CSNK1A1: variants seen among roughly 807,000 people sequenced by gnomAD.
CSNK1A1 encodes the protein casein kinase 1 alpha 1, also known as casein kinase I isoform alpha.
Under a neutral mutation model 46.1 loss-of-function variants are expected in CSNK1A1, and 7 were observed. That is an observed-to-expected ratio of 0.15 (90% CI 0.09 to 0.29). CSNK1A1 has a LOEUF of 0.29. Among genes scored for constraint, CSNK1A1 ranks in the 10% least tolerant of loss-of-function variants. The pLI is 1.00. For synonymous variants in CSNK1A1, 137 were observed against 141.5 expected, an observed-to-expected ratio of 0.97 and a Z score of 0.23; for missense variants, 96 against 417.1, an observed-to-expected ratio of 0.23 and a Z score of 6.71.
chr5:149,531,145 A>G (rs1761883979), intron 2 of CSNK1A1, among the ~76,000 whole-genome samples: 2 of 152,204 alleles, frequency 1.3e-5, no homozygotes, highest in Admixed American at 6.5e-5. Context: ...CTCCCCATAC[A>G]TCTCTTCTCA....
chr5:149,529,635 C>CT, intron 2 of CSNK1A1: 1 of 452,166 alleles, frequency 2.2e-6, no homozygotes, highest in Middle Eastern at 3.3e-4. Flanking sequence ...GGGGCATGGG[C>CT]TGTCATAAAG....
At chr5:149,532,694 C>G (rs528767878) in intron 2 of CSNK1A1, among the ~76,000 whole-genome samples, 6 of 152,130 alleles carry the variant, frequency 3.9e-5, no homozygotes, top group Non-Finnish European at 7.4e-5. Context: ...ATCTACCCCC[C>G]ACAAAAATCA....
chr5:149,510,009 G>GGT (rs1242347544), intron 6 of CSNK1A1, 56 bp from the exon 7 acceptor site: 12 of 1,251,614 alleles, frequency 9.6e-6, no homozygotes, highest in Non-Finnish European at 1.4e-5. Flanking sequence ...GAAGAACCAT[G>GGT]GTAGTTTAAC....
intron 2 of CSNK1A1, among the ~76,000 whole-genome samples, chr5:149,543,487 G>GTT (rs796306316): frequency 1.5e-4 from 22 of 146,774 alleles, no homozygotes; most frequent in African/African-American, 4.5e-4. Flanking sequence ...CGTTTTTCTG[G>GTT]TTTTTTTTTT....
chr5:149,542,628 A>ACATATATGTG (rs1561772375), intron 2 of CSNK1A1, among the ~76,000 whole-genome samples: 1 of 12,120 alleles, frequency 8.3e-5, no homozygotes, highest in African/African-American at 5.7e-4. Context: ...ATATATATAT[A>ACATATATGTG]TATATATATA....
chr5:149,515,883 G>A (rs907456918), intron 4 of CSNK1A1, among the ~76,000 whole-genome samples: 2 of 152,210 alleles, frequency 1.3e-5, no homozygotes, highest in East Asian at 3.8e-4. Flanking sequence ...AGGCTTTTAT[G>A]TGCAAAGACA....
At chr5:149,505,377 T>C (rs1760989754) in intron 9 of CSNK1A1, 70 bp downstream of exon 9, 2 of 1,561,880 alleles carry the variant, frequency 1.3e-6, no homozygotes, top group South Asian at 1.2e-5. Flanking sequence ...TCTAACACTG[T>C]TAGAAATGAA....
intron 9 of CSNK1A1, chr5:149,505,171 GC>G: frequency 9.2e-7 from 1 of 1,086,746 alleles, no homozygotes; most frequent in Non-Finnish European, 1.1e-6. Context: ...TAAAAAAGAT[GC>G]AGTTGTTAAA....
At chr5:149,512,565 G>C (rs1761261679) in intron 5 of CSNK1A1, among the ~76,000 whole-genome samples, 1 of 152,110 alleles carries the variant, frequency 6.6e-6, no homozygotes, top group South Asian at 2.1e-4. Flanking sequence ...GAAATAGGAA[G>C]AGAGCAGAGA....
At chr5:149,498,084 G>A in intron 9 of CSNK1A1, 3 of 968,916 alleles carry the variant, frequency 3.1e-6, no homozygotes, top group Non-Finnish European at 3.7e-6. Flanking sequence ...CACCCGCCAT[G>A]GCCTCCCAAA....
Position 149,495,687 on chromosome 5 carries a change from G to A in CSNK1A1, c.*1166C>T, listed in dbSNP as rs575607815. On this transcript the variant is annotated 3_prime_UTR_variant, in exon 10 of 10. Coordinates refer to ENST00000377843, the MANE Select transcript of CSNK1A1 (RefSeq NM_001892.6). ...CAGTCCAGCTGCTAGTCAGCGGGCA[G>A]CAGCTACAATACCAAGTTCTGGCAG... is the stretch of plus-strand genomic sequence containing the variant. The A allele has an allele frequency of 6.7e-6, 1 of 148,294 alleles. No individual in the cohort carries two copies. Among genetic ancestry groups the A allele is most frequent in the Non-Finnish European group, 1.5e-5 (1 of 67,600 alleles). 9.2% of individuals were successfully genotyped at this position (148,294 alleles called of 1,614,324 possible).
At chr5:149,535,372 A>G (rs1762031781) in intron 2 of CSNK1A1, among the ~76,000 whole-genome samples, 1 of 152,152 alleles carries the variant, frequency 6.6e-6, no homozygotes, top group South Asian at 2.1e-4. Flanking sequence ...ACTACACAAG[A>G]GTAAAACACA....
intron 6 of CSNK1A1, among the ~76,000 whole-genome samples, chr5:149,511,411 AAAT>A (rs1264542898): frequency 9.2e-5 from 14 of 152,096 alleles, no homozygotes; most frequent in Admixed American, 7.9e-4. Context: ...AATAGAAACA[AAAT>A]GTTAGGACAT....
chr5:149,546,494 G>A (rs745723249), intron 2 of CSNK1A1, among the ~76,000 whole-genome samples: 6 of 151,950 alleles, frequency 3.9e-5, no homozygotes, highest in Non-Finnish European at 5.9e-5. Flanking sequence ...TTAGCTGGGC[G>A]TGGCAGCACG....
intron 9 of CSNK1A1, chr5:149,503,291 C>T (rs1760928828): frequency 1.0e-6 from 1 of 985,418 alleles, no homozygotes; most frequent in Non-Finnish European, 1.2e-6. Flanking sequence ...AGGCCAGCTA[C>T]ATTTTCATGG....
chr5:149,499,543 C>T (rs1760757729), intron 9 of CSNK1A1, among the ~76,000 whole-genome samples: 1 of 152,038 alleles, frequency 6.6e-6, no homozygotes, highest in Non-Finnish European at 1.5e-5. Flanking sequence ...AGGAAGATCA[C>T]TTAAAGCCAG....
intron 2 of CSNK1A1, among the ~76,000 whole-genome samples, chr5:149,547,646 G>A (rs981388271): frequency 6.6e-6 from 1 of 151,720 alleles, no homozygotes; most frequent in Non-Finnish European, 1.5e-5. Flanking sequence ...AATCAGGGGT[G>A]AGGGGCCTTA....
At chr5:149,535,631 CTTT>C (rs1211901229) in intron 2 of CSNK1A1, among the ~76,000 whole-genome samples, 1 of 152,034 alleles carries the variant, frequency 6.6e-6, no homozygotes, top group Non-Finnish European at 1.5e-5. Flanking sequence ...AAATGGCTTT[CTTT>C]TTGTTTGTTT....
chr5:149,530,905 G>C (rs991210039), intron 2 of CSNK1A1, among the ~76,000 whole-genome samples: 2 of 135,964 alleles, frequency 1.5e-5, no homozygotes, highest in Admixed American at 8.5e-5. Flanking sequence ...AGCAGAGGTT[G>C]CCATGAGCTG....
Sources: allele counts gnomAD v4.1 joint callset (sites outside exome capture counted in the v4.1 genomes callset), GRCh38; gene constraint gnomAD v4.1.1; transcripts MANE v1.5; gene names NCBI Gene and HGNC (gene_info 2026-07-23, HGNC 2026-07-21).